The following NFKBID variants were observed in gnomAD, a reference collection of about 807,000 sequenced individuals.
NFKBID encodes NF-kappa-B inhibitor delta.
A neutral mutation model predicts 53.4 loss-of-function variants in NFKBID; 26 were observed. The observed-to-expected ratio is 0.49, with a 90% CI of 0.36 to 0.68. NFKBID has a LOEUF of 0.68. NFKBID is among the 30% of genes least tolerant of loss of function. NFKBID has a pLI of 0.00. For missense variants in NFKBID, 493 were observed against 614.1 expected (o/e 0.80, Z 2.08); for synonymous variants, 262 against 259.8 (o/e 1.01, Z -0.08).
At chr19:35,902,240 C>T (rs1472439970), upstream of NFKBID, 2 of 703,454 alleles carry the variant, frequency 2.8e-6, no homozygotes, top group Admixed American at 4.0e-5. Flanking sequence ...CGTTTCATGC[C>T]AGAAGGCTTG....
intron 4 of NFKBID, chr19:35,897,441 A>C: frequency 1.7e-6 from 1 of 600,140 alleles, no homozygotes; most frequent in African/African-American, 1.9e-5. Flanking sequence ...TTTTGGTTTC[A>C]CCATGTTGGC....
intron 9 of NFKBID, among the ~76,000 whole-genome samples, chr19:35,894,029 C>T (rs1418678448): frequency 2.0e-5 from 3 of 151,680 alleles, no homozygotes; most frequent in African/African-American, 4.8e-5. Flanking sequence ...CCAAGGCGGG[C>T]GGCTCACCTG....
Position 35,896,618 on chromosome 19 carries a change from C to T in NFKBID, c.685-80G>A, listed in dbSNP as rs924762694. ...CCAGGCTCCCAGCCCCATCCCCCCT[C>T]AGCCCCAGGAGCTCACCCCCCATTC... is the stretch of plus-strand genomic sequence containing the variant. On this transcript the variant is annotated intron_variant, in intron 6 of 11. Coordinates refer to ENST00000641389, the Ensembl canonical transcript of NFKBID. The surrounding 1 kb of genome is among the most constrained non-coding windows in gnomAD (Gnocchi z 5.7). The T allele has an allele frequency of 6.6e-6, 10 of 1,524,578 alleles. No individual in the cohort carries two copies. Among genetic ancestry groups the T allele is most frequent in the East Asian group, 4.5e-5 (2 of 44,022 alleles). The allele number at this position is 1,524,578 out of a possible 1,614,324, so 94.4% of individuals were successfully genotyped here.
At chr19:35,888,511 G>T in exon 12 of NFKBID, 1 of 1,377,798 alleles carries the variant, frequency 7.3e-7, no homozygotes, top group Non-Finnish European at 1.0e-6. Context: ...TGGCTGTCCC[G>T]CAGGACGGTG....
chr19:35,892,445 G>C (rs888739696), intron 9 of NFKBID, among the ~76,000 whole-genome samples: 2 of 151,500 alleles, frequency 1.3e-5, no homozygotes, highest in African/African-American at 2.4e-5. Context: ...AGCTACTCGG[G>C]AGGCTGAGGC....
upstream of NFKBID, chr19:35,902,060 C>T: frequency 1.1e-5 from 7 of 654,808 alleles, no homozygotes; most frequent in South Asian, 1.0e-4. Context: ...AAATTTACAT[C>T]TCCAGACCAG....
At chr19:35,893,566 A>C (rs1974924779) in intron 9 of NFKBID, among the ~76,000 whole-genome samples, 1 of 152,218 alleles carries the variant, frequency 6.6e-6, no homozygotes, top group South Asian at 2.1e-4. Context: ...CACGCCTGTA[A>C]TCCCAGCACT....
chr19:35,888,693 G>A, intron 11 of NFKBID, 81 bp from the exon 12 acceptor site: 1 of 1,055,808 alleles, frequency 9.5e-7, no homozygotes, highest in Non-Finnish European at 1.4e-6. Flanking sequence ...AGAGGGAGGG[G>A]CTAGAGAAGA....
At chr19:35,890,553 T>C in intron 9 of NFKBID, 63 bp from the exon 10 acceptor site, 2 of 1,111,192 alleles carry the variant, frequency 1.8e-6, no homozygotes, top group Non-Finnish European at 2.8e-6. Context: ...TCCCACAGAA[T>C]CCAGGAGTCT....
rs200862386 is a variant in NFKBID, at chr19:35,897,684, T to A, written c.399A>T (p.Pro133=). 2.5e-6 allele frequency: 4 copies of A among 1,608,558 alleles called. No homozygotes were observed. The South Asian group carries it at 4.4e-5, about 18-fold the overall frequency. Residue 133 remains proline (P), a synonymous_variant, in exon 4 of 12, where the codon CCA becomes CCT. Transcript: ENST00000641389. ...CCTGGGGAAATGGGCACGGCTGCCC[T>A]GGGTCCGAGGGTGGGTAGAAGTCAG...
At chr19:35,901,075 C>T (rs191258870), upstream of NFKBID, among the ~76,000 whole-genome samples, 5 of 152,102 alleles carry the variant, frequency 3.3e-5, no homozygotes, top group Non-Finnish European at 4.4e-5. Context: ...TCAGGTGACC[C>T]GCCTGCCTTG....
At chr19:35,892,262 G>T (rs1974820136) in intron 9 of NFKBID, among the ~76,000 whole-genome samples, 1 of 152,020 alleles carries the variant, frequency 6.6e-6, no homozygotes, top group South Asian at 2.1e-4. Flanking sequence ...ATGTTGCCCA[G>T]GTTGGTCTCG....
Position 35,896,197 on chromosome 19 carries a change from C to A in NFKBID, c.883+21G>T, listed in dbSNP as rs1372896153. The A allele has an allele frequency of 6.2e-7, 1 of 1,614,162 alleles. No individual in the cohort carries two copies. The highest frequency in any genetic ancestry group is 8.5e-7 in the Non-Finnish European group (1 of 1,180,000). On this transcript the variant is annotated intron_variant, in intron 8 of 11. Transcript: ENST00000641389. The surrounding 1 kb of genome is among the most constrained non-coding windows in gnomAD (Gnocchi z 5.7). Reference sequence around the variant, plus strand: ...CGCCCAGCCACACCAACCACACCAGCCCTGCCCACACCCAACTTACCCTCG... The same window carrying A: ...CGCCCAGCCACACCAACCACACCAGACCTGCCCACACCCAACTTACCCTCG...
chr19:35,890,342 C>G (rs1974673953), intron 10 of NFKBID, 32 bp downstream of exon 10: 3 of 1,481,676 alleles, frequency 2.0e-6, no homozygotes, highest in Admixed American at 1.7e-5. Context: ...CCGTACCCCA[C>G]ACAATCTGCA....
upstream of NFKBID, chr19:35,902,118 A>C: frequency 1.4e-6 from 1 of 701,726 alleles, no homozygotes; most frequent in South Asian, 1.5e-5. Context: ...CAGCATCTCC[A>C]CAGGGAGATT....
Position 35,888,355 on chromosome 19 carries a change from T to TA in NFKBID, c.*203_*204insT, listed in dbSNP as rs1426050433. Reference sequence around the variant, plus strand: ...ATTTCACAGAAATCATCAAGAGGGCTCCTTGTGGGTAGAAGAGGGGTATCA... The same window carrying TA: ...ATTTCACAGAAATCATCAAGAGGGCTACCTTGTGGGTAGAAGAGGGGTATCA... On this transcript the variant is annotated 3_prime_UTR_variant, in exon 12 of 12. Coordinates refer to ENST00000641389, the Ensembl canonical transcript of NFKBID. 1.1e-5 allele frequency: 6 copies of TA among 561,992 alleles called. No homozygotes were observed. In the East Asian group the frequency reaches 1.8e-4, roughly 17 times the overall value. 34.8% of individuals were successfully genotyped at this position (561,992 alleles called of 1,614,324 possible). A position where few individuals can be genotyped will look rare whatever the true frequency, so the allele number is the denominator to read the frequency against.
At chr19:35,891,045 G>A (rs1974730453) in intron 9 of NFKBID, among the ~76,000 whole-genome samples, 1 of 152,148 alleles carries the variant, frequency 6.6e-6, no homozygotes, top group African/African-American at 2.4e-5. Flanking sequence ...GTCTGAGAAA[G>A]AGACTCCTTT....
chr19:35,889,950 C>T (rs1211258039), exon 11 of NFKBID: 1 of 1,612,152 alleles, frequency 6.2e-7, no homozygotes, highest in South Asian at 1.1e-5. Flanking sequence ...CCAGGTTGCG[C>T]AGTGTGGGGT....
intron 11 of NFKBID, 81 bp from the exon 12 acceptor site, chr19:35,888,693 G>T: frequency 9.5e-7 from 1 of 1,055,806 alleles, no homozygotes; most frequent in South Asian, 1.3e-5. Flanking sequence ...AGAGGGAGGG[G>T]CTAGAGAAGA....
Sources: gnomAD v4.1 joint callset for allele counts (sites outside exome capture counted in the v4.1 genomes callset) on GRCh38, gnomAD v4.1.1 for gene constraint, Gnocchi (gnomAD v3.1) non-coding constraint, MANE v1.5 for transcripts, NCBI Gene and HGNC (gene_info 2026-07-23, HGNC 2026-07-21) for gene names.